The following SRPX variants were observed in gnomAD, a reference collection of about 807,000 sequenced individuals.
SRPX encodes sushi repeat containing protein X-linked.
SRPX carries 24 observed loss-of-function variants against 38.1 expected under a neutral mutation model. That is an observed-to-expected ratio of 0.63 (90% CI 0.46 to 0.89). The LOEUF (loss-of-function observed/expected upper bound fraction) is 0.89. Among genes scored for constraint, SRPX ranks in the 40% least tolerant of loss-of-function variants. SRPX has a pLI of 0.00. For synonymous variants in SRPX, 184 were observed against 153.8 expected (o/e 1.20, Z -1.45); for missense variants, 416 against 377.8 (o/e 1.10, Z -0.84).
chrX:38,175,630 G>A (rs770394251), intron 2 of SRPX, among the ~76,000 whole-genome samples: 1 of 110,831 alleles, frequency 9.0e-6, no homozygotes, highest in South Asian at 3.9e-4. Flanking sequence ...TGATCCTCCT[G>A]TCTCAGCTTC....
Position 38,160,000 on chromosome X carries a change from A to C in SRPX, c.955+17T>G, listed in dbSNP as rs1272365045. 8.3e-7 allele frequency: 1 copy of C among 1,202,979 alleles called. No individual in the cohort carries two copies. Among genetic ancestry groups the C allele is most frequent in the Admixed American group, 2.2e-5 (1 of 45,425 alleles). ...GTTTACAGGTTCTGCTGCAGGCTGG[A>C]GGGGCGGCATACCTACCTGCACAGG... On this transcript the variant is annotated intron_variant, in intron 7 of 9. Coordinates refer to ENST00000378533, the MANE Select transcript of SRPX (RefSeq NM_006307.5).
chrX:38,185,814 A>T (rs973989829), intron 1 of SRPX, among the ~76,000 whole-genome samples: 18 of 105,188 alleles, frequency 1.7e-4, no homozygotes, highest in African/African-American at 6.3e-4. Context: ...GAGGTCTTTG[A>T]TCCCCTACAA....
chrX:38,150,095 C>T (rs978839684), intron 9 of SRPX, among the ~76,000 whole-genome samples: 8 of 111,580 alleles, frequency 7.2e-5, no homozygotes, highest in Non-Finnish European at 1.5e-4. Flanking sequence ...GAAATGGAGA[C>T]TCTCATGCCC....
intron 2 of SRPX, among the ~76,000 whole-genome samples, chrX:38,175,722 G>T (rs1938556667): frequency 9.0e-6 from 1 of 111,319 alleles, no homozygotes; most frequent in Non-Finnish European, 1.9e-5. Flanking sequence ...GCAGACAGCT[G>T]CAAGTGAGCC....
chrX:38,209,326 C>T (rs1262234956), intron 1 of SRPX, among the ~76,000 whole-genome samples: 6 of 111,568 alleles, frequency 5.4e-5, no homozygotes, highest in Non-Finnish European at 1.1e-4. Context: ...AGTGCTTCCT[C>T]CCAACTCACC....
At chrX:38,217,225 T>G (rs1241026892) in intron 1 of SRPX, among the ~76,000 whole-genome samples, 1 of 112,267 alleles carries the variant, frequency 8.9e-6, no homozygotes, top group African/African-American at 3.2e-5. Flanking sequence ...AGAAGAAGAG[T>G]GCATAAATTA....
At chrX:38,164,220 G>A (rs937270583) in intron 5 of SRPX, among the ~76,000 whole-genome samples, 6 of 110,136 alleles carry the variant, frequency 5.4e-5, no homozygotes, top group Non-Finnish European at 1.1e-4. Flanking sequence ...TTGGCTCACT[G>A]CAACCTCAGC....
chrX:38,177,078 T>C lies in SRPX; in HGVS notation c.157+1207A>G, dbSNP rs186546273. On this transcript the variant is annotated intron_variant, in intron 2 of 9. Transcript: ENST00000378533. The stretch of plus-strand genomic sequence containing the variant: ...GGCACTAGGCAACCCCTGCTGTAGA[T>C]GTGAAGGGTCATCTGTGCATGCATG... Among the ~76,000 whole-genome samples, 4 of 111,125 alleles carry C rather than the reference T, an allele frequency of 3.6e-5. 1 individual carries two copies. The East Asian group carries it at 1.1e-3, about 32-fold the overall frequency.
chrX:38,164,760 T>A lies in SRPX; in HGVS notation c.653+9A>T. 1 of 1,208,765 alleles carries A rather than the reference T, an allele frequency of 8.3e-7. No individual in the cohort carries two copies. The highest frequency in any genetic ancestry group is 1.1e-6 in the Non-Finnish European group (1 of 894,410). On this transcript the variant is annotated intron_variant, in intron 5 of 9. Coordinates refer to ENST00000378533, the MANE Select transcript of SRPX (RefSeq NM_006307.5). The stretch of plus-strand genomic sequence containing the variant: ...GACAGCATCATTTTATCTGCCAAGT[T>A]TCACTTACTCAGTAAGAATTCCATC...
chrX:38,208,515 T>C (rs1179968950), intron 1 of SRPX, among the ~76,000 whole-genome samples: 1 of 112,175 alleles, frequency 8.9e-6, no homozygotes, highest in Non-Finnish European at 1.9e-5. Context: ...TTTTACCTTT[T>C]TTGTTTAAGA....
chrX:38,169,654 A>T (rs957987912), intron 4 of SRPX, among the ~76,000 whole-genome samples: 1 of 112,429 alleles, frequency 8.9e-6, no homozygotes, highest in Non-Finnish European at 1.9e-5. Flanking sequence ...AAGTAATTAA[A>T]TGGATACTCT....
At chrX:38,201,559 T>C (rs1265936342) in intron 1 of SRPX, among the ~76,000 whole-genome samples, 1 of 111,587 alleles carries the variant, frequency 9.0e-6, no homozygotes, top group Non-Finnish European at 1.9e-5. Flanking sequence ...GGGCCGGGCA[T>C]GGTGGCTCAC....
intron 3 of SRPX, among the ~76,000 whole-genome samples, chrX:38,172,748 T>G (rs1938498505): frequency 8.8e-6 from 1 of 113,033 alleles, no homozygotes; most frequent in Non-Finnish European, 1.9e-5. Context: ...AGGGAAGCTC[T>G]GGAGTGTGAA....
chrX:38,190,663 G>C (rs779292036), intron 1 of SRPX, among the ~76,000 whole-genome samples: 1 of 111,747 alleles, frequency 8.9e-6, no homozygotes, highest in African/African-American at 3.3e-5. Flanking sequence ...CAACTAAGCT[G>C]ACGGCAATTC....
rs376731644 is a variant in SRPX at position 38,220,570 on chromosome X, A to C, written c.97+126T>G. The C allele has an allele frequency of 1.6e-4, 164 of 1,023,737 alleles. 1 individual carries two copies. The African/African-American group carries it at 3.0e-3, about 19-fold the overall frequency. 84.4% of individuals were successfully genotyped at this position (1,023,737 alleles called of 1,213,427 possible). A position where few individuals can be genotyped will look rare whatever the true frequency, so the allele number is the denominator to read the frequency against. ...CATCATCCCCACCCTCGGGCTGCGA[A>C]AGAGGAGTTCTGCGCAAACAAAGGG... On this transcript the variant is annotated intron_variant, in intron 1 of 9. Coordinates refer to ENST00000378533, the MANE Select transcript of SRPX (RefSeq NM_006307.5).
At chrX:38,202,916 TC>T (rs1939138310) in intron 1 of SRPX, among the ~76,000 whole-genome samples, 1 of 112,228 alleles carries the variant, frequency 8.9e-6, no homozygotes, top group Non-Finnish European at 1.9e-5. Context: ...ATGTCCCAAC[TC>T]ATTTTACAAG....
chrX:38,149,929 A>G, intron 9 of SRPX, 35 bp from the exon 10 acceptor site: 1 of 1,141,830 alleles, frequency 8.8e-7, no homozygotes, highest in African/African-American at 1.8e-5. Context: ...GACTAAGTCA[A>G]ACCATGACTC....
intron 4 of SRPX, among the ~76,000 whole-genome samples, chrX:38,171,560 T>G (rs1048718751): frequency 3.6e-5 from 4 of 111,827 alleles, no homozygotes; most frequent in African/African-American, 1.3e-4. Context: ...ACTGTCCCTA[T>G]AGTGTCAATA....
chrX:38,173,478 C>G (rs1171583087), intron 3 of SRPX, among the ~76,000 whole-genome samples: 1 of 110,416 alleles, frequency 9.1e-6, no homozygotes, highest in African/African-American at 3.3e-5. Flanking sequence ...GAGATGGAGT[C>G]TTGCTCTGTC....
Sources: allele counts gnomAD v4.1 joint callset (sites outside exome capture counted in the v4.1 genomes callset), GRCh38; gene constraint gnomAD v4.1.1; transcripts MANE v1.5; gene names NCBI Gene and HGNC (gene_info 2026-07-23, HGNC 2026-07-21).